ABCC4: variants seen among roughly 807,000 people sequenced by gnomAD.
ABCC4 encodes the protein ATP-binding cassette sub-family C member 4.
In ABCC4, 102 loss-of-function variants were observed where a neutral mutation model predicts 168.5. That is an observed-to-expected ratio of 0.61 (90% CI 0.52 to 0.71). The LOEUF is 0.71. ABCC4 is among the 30% of genes least tolerant of loss of function. ABCC4 has a pLI of 0.00. For synonymous variants in ABCC4, 617 were observed against 590.7 expected (o/e 1.04, Z -0.65); for missense variants, 1,402 against 1,605.8 (o/e 0.87, Z 2.17).
At chr13:95,256,097 AT>A (rs961680526) in intron 1 of ABCC4, among the ~76,000 whole-genome samples, 121 of 151,860 alleles carry the variant, frequency 8.0e-4, no homozygotes, top group South Asian at 1.5e-3. Context: ...TGTGAGTAAG[AT>A]TTTTTTTTAA....
At chr13:95,252,517 A>G (rs2040291220) in intron 1 of ABCC4, among the ~76,000 whole-genome samples, 1 of 152,108 alleles carries the variant, frequency 6.6e-6, no homozygotes, top group African/African-American at 2.4e-5. Context: ...CTCTACTAAA[A>G]TACAAAAATT....
At chr13:95,021,776 G>T in intron 30 of ABCC4, 94 bp from the exon 31 acceptor site, 1 of 832,142 alleles carries the variant, frequency 1.2e-6, no homozygotes, top group Non-Finnish European at 1.9e-6. Context: ...TTCTTCATGT[G>T]AAGCAAATCA....
chr13:95,288,709 G>A (rs1244967418), intron 1 of ABCC4, among the ~76,000 whole-genome samples: 1 of 152,104 alleles, frequency 6.6e-6, no homozygotes, highest in African/African-American at 2.4e-5. Flanking sequence ...GGGAGGCTGA[G>A]GCAGGAGAAC....
intron 19 of ABCC4, among the ~76,000 whole-genome samples, chr13:95,135,256 T>G (rs2036108919): frequency 6.6e-6 from 1 of 152,140 alleles, no homozygotes; most frequent in African/African-American, 2.4e-5. Flanking sequence ...ATATTTAATT[T>G]AGACTCGTAA....
chr13:95,156,970 T>G (rs886163834), intron 19 of ABCC4, among the ~76,000 whole-genome samples: 1 of 151,988 alleles, frequency 6.6e-6, no homozygotes, highest in Non-Finnish European at 1.5e-5. Flanking sequence ...GTGGACACTG[T>G]AATCCCAGCT....
chr13:95,210,583 T>C (rs2038924687), intron 5 of ABCC4, 109 bp downstream of exon 5: 3 of 888,940 alleles, frequency 3.4e-6, no homozygotes, highest in Admixed American at 4.7e-5. Context: ...GCTATGATCC[T>C]GCCACTGCAA....
intron 1 of ABCC4, among the ~76,000 whole-genome samples, chr13:95,282,207 A>G (rs2041142755): frequency 6.6e-6 from 1 of 152,132 alleles, no homozygotes; most frequent in South Asian, 2.1e-4. Flanking sequence ...CAGGACTCCA[A>G]CATGCGAACT....
chr13:95,292,504 G>A (rs1044704564), intron 1 of ABCC4, among the ~76,000 whole-genome samples: 1 of 152,192 alleles, frequency 6.6e-6, no homozygotes, highest in Non-Finnish European at 1.5e-5. Flanking sequence ...GGTTCTAGGA[G>A]CTGCTTGATT....
chr13:95,079,525 G>A (rs967473602), intron 21 of ABCC4, among the ~76,000 whole-genome samples: 3 of 152,178 alleles, frequency 2.0e-5, no homozygotes, highest in Non-Finnish European at 4.4e-5. Context: ...GGGAAAAACA[G>A]ACTTGAGGCA....
rs149464244 is a variant in ABCC4 at position 95,243,798 on chromosome 13, T to C, written c.306+3177A>G. 2.3e-3 allele frequency among the ~76,000 whole-genome samples: 342 copies of C among 151,940 alleles called. 1 individual carries two copies. Among genetic ancestry groups the C allele is most frequent in the African/African-American group, 6.9e-3 (286 of 41,408 alleles). The stretch of plus-strand genomic sequence containing the variant: ...TACTCAGGAGGCTGAGGTGGGAGGA[T>C]TGCTTGAGCCCAGGGAGATGGAGGT... On this transcript the variant is annotated intron_variant, in intron 3 of 30. Coordinates refer to ENST00000645237, the MANE Select transcript of ABCC4 (RefSeq NM_005845.5).
intron 20 of ABCC4, among the ~76,000 whole-genome samples, chr13:95,086,119 G>GTGTGTGT (rs1555309910): frequency 2.0e-5 from 3 of 150,226 alleles, no homozygotes; most frequent in Non-Finnish European, 3.0e-5. Flanking sequence ...GTGTGTGTGT[G>GTGTGTGT]GTTATATCTG....
chr13:95,234,024 C>T (rs1417906182), intron 4 of ABCC4, among the ~76,000 whole-genome samples: 2 of 152,184 alleles, frequency 1.3e-5, no homozygotes, highest in African/African-American at 4.8e-5. Context: ...ATTCCATTTA[C>T]ATTTTTCTTC....
intron 25 of ABCC4, among the ~76,000 whole-genome samples, chr13:95,065,677 T>C (rs1228226811): frequency 1.3e-5 from 2 of 152,198 alleles, no homozygotes; most frequent in Non-Finnish European, 2.9e-5. Context: ...TAAAATAAAT[T>C]CTTAGATGTG....
chr13:95,170,789 T>A (rs1421720574), intron 13 of ABCC4, among the ~76,000 whole-genome samples, 161 bp from the exon 14 acceptor site: 1 of 152,062 alleles, frequency 6.6e-6, no homozygotes, highest in African/African-American at 2.4e-5. Context: ...GCCGGCTAGG[T>A]CCTCAAAACC....
At chr13:95,042,361 T>C (rs1451792205) in intron 29 of ABCC4, among the ~76,000 whole-genome samples, 1 of 152,136 alleles carries the variant, frequency 6.6e-6, no homozygotes, top group East Asian at 1.9e-4. Context: ...GCTCACACCA[T>C]AGTCTAAGCC....
intron 4 of ABCC4, among the ~76,000 whole-genome samples, chr13:95,233,322 A>AAAT (rs1340817889): frequency 6.6e-6 from 1 of 151,698 alleles, no homozygotes; most frequent in African/African-American, 2.4e-5. Flanking sequence ...GCACCCATAA[A>AAAT]AAAAAAAAAA....
intron 30 of ABCC4, 104 bp downstream of exon 30, chr13:95,034,501 A>G: frequency 2.8e-6 from 4 of 1,430,616 alleles, no homozygotes; most frequent in Non-Finnish European, 3.7e-6. Context: ...CAGGCTTATA[A>G]TTGAAAAGGG....
At chr13:95,047,771 C>T (rs897314390) in intron 27 of ABCC4, among the ~76,000 whole-genome samples, 4 of 152,214 alleles carry the variant, frequency 2.6e-5, no homozygotes, top group African/African-American at 9.6e-5. Flanking sequence ...GCGTGAGCCA[C>T]TACGCCCAGC....
rs1566539633 is a variant in ABCC4 at position 95,218,950 on chromosome 13, AAAGAAAG to A, written c.532-8176_532-8170del. ...AAGAGAAAGAAAGAAAGAAAGAAAG[AAAGAAAG>A]AAAGAAAGAAAGAAAGAAAGAAAGA... On this transcript the variant is annotated intron_variant, in intron 4 of 30. Coordinates refer to ENST00000645237, the MANE Select transcript of ABCC4 (RefSeq NM_005845.5). Among the ~76,000 whole-genome samples, 5 of 37,380 alleles carry A rather than the reference AAAGAAAG, an allele frequency of 1.3e-4. 1 individual carries two copies. Among genetic ancestry groups the A allele is most frequent in the African/African-American group, 7.5e-4 (5 of 6,626 alleles). The allele number at this position is 37,380 out of a possible 152,430, so 24.5% of individuals were successfully genotyped here.
Sources: gnomAD v4.1 joint callset for allele counts (sites outside exome capture counted in the v4.1 genomes callset) on GRCh38, gnomAD v4.1.1 for gene constraint, MANE v1.5 for transcripts, NCBI Gene and HGNC (gene_info 2026-07-23, HGNC 2026-07-21) for gene names.